Variants in ERGIC2 observed in about 807,000 individuals in gnomAD.
ERGIC2 encodes endoplasmic reticulum-Golgi intermediate compartment protein 2.
In ERGIC2, 31 loss-of-function variants were observed where a neutral mutation model predicts 52.5. The observed-to-expected ratio is 0.59, with a 90% CI of 0.44 to 0.80. The LOEUF (loss-of-function observed/expected upper bound fraction) is 0.80, where lower values mean the gene tolerates loss of function less well. ERGIC2 is among the 30% of genes least tolerant of loss of function. The pLI is 0.00. For synonymous variants in ERGIC2, 129 were observed against 140.6 expected, an observed-to-expected ratio of 0.92 and a Z score of 0.58; for missense variants, 395 against 455.2, an observed-to-expected ratio of 0.87 and a Z score of 1.20.
intron 1 of ERGIC2, chr12:29,372,478 T>C (rs985185981): frequency 3.9e-5 from 6 of 152,078 alleles, no homozygotes; most frequent in Non-Finnish European, 8.8e-5. Context: ...CCACTCCTCT[T>C]CTAAGTAAAT....
At chr12:29,376,348 A>C (rs1414694672) in intron 1 of ERGIC2, among the ~76,000 whole-genome samples, 1 of 152,166 alleles carries the variant, frequency 6.6e-6, no homozygotes, top group Non-Finnish European at 1.5e-5. Flanking sequence ...TAACATCTGA[A>C]TATATTCATA....
chr12:29,357,131 C>T (rs945578835), intron 7 of ERGIC2, among the ~76,000 whole-genome samples: 4 of 152,002 alleles, frequency 2.6e-5, no homozygotes, highest in African/African-American at 9.7e-5. Context: ...CCACACCCAG[C>T]TAATTTTTTT....
intron 9 of ERGIC2, 25 bp from the exon 10 acceptor site, chr12:29,349,202 C>T (rs370711662): frequency 1.8e-6 from 2 of 1,142,692 alleles, no homozygotes; most frequent in African/African-American, 3.2e-5. Flanking sequence ...ATAAAAACAA[C>T]TTAGCAGAGA....
At chr12:29,365,659 G>C (rs1399806312) in intron 5 of ERGIC2, among the ~76,000 whole-genome samples, 1 of 97,300 alleles carries the variant, frequency 1.0e-5, no homozygotes, top group East Asian at 2.9e-4. Flanking sequence ...AATAAGGTAA[G>C]AATGGCAGAA....
intron 3 of ERGIC2, 82 bp downstream of exon 3, chr12:29,370,032 A>T: frequency 7.9e-7 from 1 of 1,263,074 alleles, no homozygotes; most frequent in African/African-American, 1.6e-5. Flanking sequence ...CTAGAAGGTT[A>T]GACTTTTTCT....
At chr12:29,355,578 G>C (rs1480905939) in intron 8 of ERGIC2, among the ~76,000 whole-genome samples, 3 of 152,104 alleles carry the variant, frequency 2.0e-5, no homozygotes, top group African/African-American at 7.2e-5. Flanking sequence ...TTTCTGTGCT[G>C]AGTGCTGCTC....
intron 1 of ERGIC2, among the ~76,000 whole-genome samples, chr12:29,375,933 G>A (rs1940508695): frequency 6.6e-6 from 1 of 152,108 alleles, no homozygotes; most frequent in African/African-American, 2.4e-5. Flanking sequence ...GTCACTGTCT[G>A]GCATAAACAA....
In ERGIC2 at chr12:29,351,739, T is replaced by C. The variant is rs548404901; in HGVS notation, c.573-1671A>G. On this transcript the variant is annotated intron_variant, in intron 8 of 13. Coordinates refer to ENST00000360150, the MANE Select transcript of ERGIC2 (RefSeq NM_016570.3). Reference sequence around the variant, plus strand: ...ATTGCTTCACAGACTTATCAATACTTGGATGGCTTTCCTTACTTGCTAAAC... The same window carrying C: ...ATTGCTTCACAGACTTATCAATACTCGGATGGCTTTCCTTACTTGCTAAAC... Among the ~76,000 whole-genome samples, 5 of 152,332 alleles carry C rather than the reference T, an allele frequency of 3.3e-5. No individual in the cohort carries two copies. The East Asian group carries it at 5.8e-4, about 18-fold the overall frequency.
At chr12:29,345,763 G>C (rs1940040523) in intron 10 of ERGIC2, among the ~76,000 whole-genome samples, 1 of 152,060 alleles carries the variant, frequency 6.6e-6, no homozygotes, top group East Asian at 2.0e-4. Flanking sequence ...CTGGTCAAGA[G>C]AGCCAGACCC....
intron 1 of ERGIC2, among the ~76,000 whole-genome samples, chr12:29,378,262 G>T (rs1592002867): frequency 6.6e-6 from 1 of 152,290 alleles, no homozygotes; most frequent in East Asian, 1.9e-4. Context: ...GGCATAGCAA[G>T]GATTGCCCAG....
rs973435156 is a variant in ERGIC2 at position 29,337,705 on chromosome 12, T to C, written c.*3451A>G. 93 of 152,330 alleles carry C rather than the reference T, an allele frequency of 6.1e-4. No homozygotes were observed. Among genetic ancestry groups the C allele is most frequent in the African/African-American group, 2.1e-3 (87 of 41,572 alleles). 9.4% of individuals were successfully genotyped at this position (152,330 alleles called of 1,614,324 possible). A position where few individuals can be genotyped will look rare whatever the true frequency, so the allele number is the denominator to read the frequency against. ...TAGCTTAAAAGGCATGCTGAGATTTTAAAGGTCCTAAAGCTCAGGTTTAAG... is the reference window on the plus strand; with the variant it reads ...TAGCTTAAAAGGCATGCTGAGATTTCAAAGGTCCTAAAGCTCAGGTTTAAG... On this transcript the variant is annotated 3_prime_UTR_variant, in exon 14 of 14. Coordinates refer to ENST00000360150, the MANE Select transcript of ERGIC2 (RefSeq NM_016570.3).
At chr12:29,350,627 A>G (rs1940118099) in intron 8 of ERGIC2, among the ~76,000 whole-genome samples, 1 of 152,102 alleles carries the variant, frequency 6.6e-6, no homozygotes, top group Non-Finnish European at 1.5e-5. Flanking sequence ...CCTAATACTT[A>G]TTTACTTATA....
At chr12:29,379,835 G>C (rs1940561951) in intron 1 of ERGIC2, among the ~76,000 whole-genome samples, 1 of 151,564 alleles carries the variant, frequency 6.6e-6, no homozygotes, top group South Asian at 2.1e-4. Flanking sequence ...CTGCCTAAAA[G>C]TAACTTCTGG....
In ERGIC2 at chr12:29,340,770, A is replaced by C. The variant is rs1336218766; in HGVS notation, c.*386T>G. On this transcript the variant is annotated 3_prime_UTR_variant, in exon 14 of 14. Coordinates refer to ENST00000360150, the MANE Select transcript of ERGIC2 (RefSeq NM_016570.3). ...TATCTTTTAAAAACAAAAGGATGCG[A>C]ACATTTGCACTTCTCAATGTTTTTT... 9 of 412,674 alleles carry C rather than the reference A, an allele frequency of 2.2e-5. No homozygotes were observed. Among genetic ancestry groups the C allele is most frequent in the Admixed American group, 1.1e-4 (3 of 27,762 alleles). The allele number at this position is 412,674 out of a possible 1,614,324, so 25.6% of individuals were successfully genotyped here.
At chr12:29,370,368 T>C (rs975553484) in intron 2 of ERGIC2, 146 bp from the exon 3 acceptor site, 14 of 936,348 alleles carry the variant, frequency 1.5e-5, no homozygotes, top group Admixed American at 4.1e-5. Flanking sequence ...AGAAGGTTTT[T>C]ATTCAAAATG....
Position 29,366,717 on chromosome 12 carries a change from T to C in ERGIC2, c.333+160A>G, listed in dbSNP as rs190887143. 5.3e-5 allele frequency among the ~76,000 whole-genome samples: 8 copies of C among 152,024 alleles called. No individual in the cohort carries two copies. In the East Asian group the frequency reaches 1.3e-3, roughly 26 times the overall value. ...ATTTTGGTATATAATATAACTTTTC[T>C]GTTTTTCCCCCTAAATTTATTACAA... On this transcript the variant is annotated intron_variant, in intron 5 of 13. Coordinates refer to ENST00000360150, the MANE Select transcript of ERGIC2 (RefSeq NM_016570.3).
intron 10 of ERGIC2, 150 bp downstream of exon 10, chr12:29,348,929 G>T: frequency 2.0e-6 from 1 of 496,910 alleles, no homozygotes; most frequent in Non-Finnish European, 3.6e-6. Context: ...CCACTACTAG[G>T]ACAAATTCTC....
Position 29,370,126 on chromosome 12 carries a change from T to C in ERGIC2, c.203A>G (p.Lys68Arg). The change falls in exon 3 of 14, where the codon AAG (lysine) becomes AGG (arginine). Residue 68 changes from lysine to arginine, a missense_variant. Physicochemically the swap from Lys to Arg is conservative, Grantham distance 26 (BLOSUM62 2). Transcript: ENST00000360150. ...TWMKYEYEVD[K>R]DFSSKLRINI... ...AAAAAATGATTACCTAGAAAAATCC[T>C]TGTCTACTTCGTATTCATACTTCAT... 1 of 1,512,802 alleles carries C rather than the reference T, an allele frequency of 6.6e-7. No individual in the cohort carries two copies. Among genetic ancestry groups the C allele is most frequent in the Non-Finnish European group, 8.8e-7 (1 of 1,142,676 alleles). 93.7% of individuals were successfully genotyped at this position (1,512,802 alleles called of 1,614,324 possible). A position where few individuals can be genotyped will look rare whatever the true frequency, so the allele number is the denominator to read the frequency against.
At chr12:29,365,686 A>C (rs1354067319) in intron 5 of ERGIC2, among the ~76,000 whole-genome samples, 1 of 138,200 alleles carries the variant, frequency 7.2e-6, no homozygotes, top group African/African-American at 2.7e-5. Flanking sequence ...AAAAAAAAAA[A>C]CAAAGTTAAA....
Sources: allele counts gnomAD v4.1 joint callset (sites outside exome capture counted in the v4.1 genomes callset), GRCh38; gene constraint gnomAD v4.1.1; transcripts MANE v1.5; gene names NCBI Gene and HGNC (gene_info 2026-07-23, HGNC 2026-07-21).